Variants in SLC7A6 observed in about 807,000 individuals in gnomAD.
SLC7A6 encodes solute carrier family 7 member 6.
In SLC7A6, 29 loss-of-function variants were observed where a neutral mutation model predicts 46.6. The ratio of observed to expected loss-of-function variants is 0.62; its 90% CI spans 0.46 to 0.85. SLC7A6 has a LOEUF of 0.85. Among genes scored for constraint, SLC7A6 ranks in the 40% least tolerant of loss-of-function variants. The pLI, the probability that SLC7A6 is intolerant of heterozygous loss-of-function variation, is 0.00. For synonymous variants in SLC7A6, 276 were observed against 257.3 expected (o/e 1.07, Z -0.70); for missense variants, 527 against 647.6 (o/e 0.81, Z 2.02).
intron 3 of SLC7A6, 51 bp from the exon 4 acceptor site, chr16:68,287,695 C>T (rs767960288): frequency 1.3e-5 from 21 of 1,595,308 alleles, no homozygotes; most frequent in Middle Eastern, 3.3e-4. Flanking sequence ...GGGGTTGGGC[C>T]CCTGTGCCCT....
Position 68,301,406 on chromosome 16 carries a change from C to T in SLC7A6, c.*4078C>T. 6.2e-7 allele frequency: 1 copy of T among 1,613,076 alleles called. No individual in the cohort carries two copies. Among genetic ancestry groups the T allele is most frequent in the Non-Finnish European group, 8.5e-7 (1 of 1,179,320 alleles). Reference sequence around the variant, plus strand: ...CTCAGGCTGTTGTAGTCAGCAGAGCCTAGAATGACATCCCGGGAGTGGATT... The same window carrying T: ...CTCAGGCTGTTGTAGTCAGCAGAGCTTAGAATGACATCCCGGGAGTGGATT... On this transcript the variant is annotated 3_prime_UTR_variant, in exon 11 of 11. Coordinates refer to ENST00000219343, the MANE Select transcript of SLC7A6 (RefSeq NM_003983.6).
intron 6 of SLC7A6, 100 bp from the exon 7 acceptor site, chr16:68,291,458 T>TG: frequency 7.0e-6 from 11 of 1,574,832 alleles, no homozygotes; most frequent in Non-Finnish European, 9.6e-6. Context: ...GGCCAGAGGG[T>TG]GGGCTGCTTA....
chr16:68,266,908 A>G (rs1008613657), intron 2 of SLC7A6, among the ~76,000 whole-genome samples, 187 bp downstream of exon 2: 2 of 152,000 alleles, frequency 1.3e-5, no homozygotes, highest in Non-Finnish European at 2.9e-5. Context: ...TTATATTACA[A>G]TTCTTTATAA....
intron 7 of SLC7A6, among the ~76,000 whole-genome samples, chr16:68,294,327 C>G (rs764550401): frequency 4.5e-4 from 68 of 152,212 alleles, no homozygotes; most frequent in Non-Finnish European, 8.8e-4. Flanking sequence ...AGAAATCTGG[C>G]TGCCCTTTAA....
At chr16:68,278,956 C>T (rs991588563) in intron 3 of SLC7A6, among the ~76,000 whole-genome samples, 15 of 151,914 alleles carry the variant, frequency 9.9e-5, no homozygotes, top group Admixed American at 2.6e-4. Context: ...ACCTCCCTCC[C>T]GGACAGGGCG....
chr16:68,272,609 G>C lies in SLC7A6; in HGVS notation c.-36-2082G>C, dbSNP rs908023230. Among the ~76,000 whole-genome samples the C allele has an allele frequency of 3.9e-5, 6 of 152,140 alleles. No individual in the cohort carries two copies. In the East Asian group the frequency reaches 5.8e-4, roughly 15 times the overall value. ...TGAGGTCTTGTGGGGCTGTGACTGTGCCCCACCTCTCTAAATAAGGCCACT... is the reference window on the plus strand; with the variant it reads ...TGAGGTCTTGTGGGGCTGTGACTGTCCCCCACCTCTCTAAATAAGGCCACT... On this transcript the variant is annotated intron_variant, in intron 2 of 10. Transcript: ENST00000219343.
intron 1 of SLC7A6, chr16:68,265,650 G>A (rs2042518898): frequency 6.6e-6 from 1 of 152,088 alleles, no homozygotes; most frequent in Non-Finnish European, 1.5e-5. Context: ...AGGCCTTTTG[G>A]GGACCTGCCC....
intron 3 of SLC7A6, chr16:68,287,285 T>C (rs1315807431): frequency 1.6e-6 from 2 of 1,281,492 alleles, no homozygotes; most frequent in African/African-American, 3.0e-5. Context: ...GCCTCATTTT[T>C]ACACTTAATG....
At chr16:68,284,980 C>G (rs2151223490) in intron 3 of SLC7A6, among the ~76,000 whole-genome samples, 1 of 151,220 alleles carries the variant, frequency 6.6e-6, no homozygotes, top group Middle Eastern at 3.4e-3. Flanking sequence ...CGGCAGTTCT[C>G]CCACCTCAGC....
In SLC7A6 at chr16:68,279,886, G is replaced by A. The variant is rs186399239; in HGVS notation, c.523+4637G>A. ...ATGTACTTTCATCCAGATTCCTCGG[G>A]ATCTGAATTCCTGCAGGCTTTCTAT... On this transcript the variant is annotated intron_variant, in intron 3 of 10. Transcript: ENST00000219343. Among the ~76,000 whole-genome samples, 3 of 152,302 alleles carry A rather than the reference G, an allele frequency of 2.0e-5. No individual in the cohort carries two copies. In the East Asian group the frequency reaches 5.8e-4, roughly 29 times the overall value.
rs753389865 is a variant in SLC7A6, at chr16:68,301,353, C to T, written c.*4025C>T. 1.2e-6 allele frequency: 2 copies of T among 1,614,046 alleles called. No homozygotes were observed. Among genetic ancestry groups the T allele is most frequent in the Non-Finnish European group, 1.7e-6 (2 of 1,180,028 alleles). Reference sequence around the variant, plus strand: ...CCAGAGGGTACTTGCTCCACATCCGCTGTCTGCTGCTGCCTCTTTCCTCCT... The same window carrying T: ...CCAGAGGGTACTTGCTCCACATCCGTTGTCTGCTGCTGCCTCTTTCCTCCT... On this transcript the variant is annotated 3_prime_UTR_variant, in exon 11 of 11. Transcript: ENST00000219343.
chr16:68,280,645 G>T (rs2151220238), intron 3 of SLC7A6, among the ~76,000 whole-genome samples: 1 of 151,968 alleles, frequency 6.6e-6, no homozygotes, highest in South Asian at 2.1e-4. Flanking sequence ...TGTTGCCCAG[G>T]CTGGTCTCAA....
At chr16:68,267,514 C>T (rs919193136) in intron 2 of SLC7A6, among the ~76,000 whole-genome samples, 5 of 152,126 alleles carry the variant, frequency 3.3e-5, no homozygotes, top group African/African-American at 9.7e-5. Flanking sequence ...CGCGCCTGGC[C>T]ATAACTCAGA....
intron 3 of SLC7A6, among the ~76,000 whole-genome samples, chr16:68,282,256 ATGTATT>A (rs1455005770): frequency 2.0e-5 from 3 of 152,170 alleles, no homozygotes; most frequent in African/African-American, 7.2e-5. Context: ...ATGGGACTAA[ATGTATT>A]TGTGTAATTA....
chr16:68,265,592 G>C (rs1213459441), intron 1 of SLC7A6: 1 of 152,110 alleles, frequency 6.6e-6, no homozygotes, highest in African/African-American at 2.4e-5. Context: ...GACTTGAAAG[G>C]CTGTGAGTAC....
At chr16:68,291,091 C>CA in intron 5 of SLC7A6, 118 bp from the exon 6 acceptor site, 1 of 1,349,396 alleles carries the variant, frequency 7.4e-7, no homozygotes, top group South Asian at 1.2e-5. Flanking sequence ...GAGCCTCCCT[C>CA]AAAGACTTGG....
intron 2 of SLC7A6, among the ~76,000 whole-genome samples, chr16:68,270,052 G>A (rs1459267329): frequency 6.6e-6 from 1 of 152,172 alleles, no homozygotes; most frequent in African/African-American, 2.4e-5. Flanking sequence ...ACAGGTGTAA[G>A]CCACTGCGTC....
chr16:68,290,309 C>T, intron 4 of SLC7A6, 87 bp from the exon 5 acceptor site: 2 of 1,383,578 alleles, frequency 1.4e-6, no homozygotes, highest in South Asian at 1.4e-5. Context: ...CCTTTCGTAT[C>T]TTTCTCTTAC....
At position 68,287,837 on chromosome 16, in the gene SLC7A6, C is replaced by T. The variant is rs2151226165; in HGVS notation, c.615C>T (p.Ala205=). Residue 205 remains alanine (A), a synonymous_variant, in exon 4 of 11, where the codon GCC becomes GCT. Transcript: ENST00000219343. ...FTYAKVVALI[A]IIVMGLVKLC... is the part of the protein sequence containing the mutation. ...ACGCCAAGGTCGTAGCGCTCATTGC[C>T]ATCATTGTCATGGGCCTTGTTAAAC... The T allele has an allele frequency of 6.2e-7, 1 of 1,614,192 alleles. No individual in the cohort carries two copies. Among genetic ancestry groups the T allele is most frequent in the Non-Finnish European group, 8.5e-7 (1 of 1,180,034 alleles).
Sources: gnomAD v4.1 joint callset for allele counts (sites outside exome capture counted in the v4.1 genomes callset) on GRCh38, gnomAD v4.1.1 for gene constraint, MANE v1.5 for transcripts, NCBI Gene and HGNC (gene_info 2026-07-23, HGNC 2026-07-21) for gene names.